Variants in INKA2 observed in about 807,000 individuals in gnomAD.
INKA2 encodes inka box actin regulator 2.
INKA2 carries 3 observed loss-of-function variants against 9.8 expected under a neutral mutation model. The ratio of observed to expected loss-of-function variants is 0.31; its 90% CI spans 0.14 to 0.79. The LOEUF (loss-of-function observed/expected upper bound fraction) is 0.79, where lower values mean the gene tolerates loss of function less well. INKA2 is among the 30% of genes least tolerant of loss of function. The probability of loss-of-function intolerance (pLI) is 0.62; values close to 1 mark genes in which losing one functional copy is unlikely to be tolerated. For synonymous variants in INKA2, 147 were observed against 143.3 expected (o/e 1.03, Z -0.18); for missense variants, 392 against 384.4 (o/e 1.02, Z -0.17).
At chr1:111,737,063 G>C (rs927401365) in intron 1 of INKA2, among the ~76,000 whole-genome samples, 1 of 152,096 alleles carries the variant, frequency 6.6e-6, no homozygotes, top group South Asian at 2.1e-4. Flanking sequence ...AGCACCATGG[G>C]GGGTAGTGCA....
In INKA2 at chr1:111,724,377, G is replaced by T. The variant is rs192359265; in HGVS notation, c.*2591C>A. ...ATCCGAACCACTGTGACCAGTCCACGAAACACGTGAGTTATAGGTGAATGT... is the reference window on the plus strand; with the variant it reads ...ATCCGAACCACTGTGACCAGTCCACTAAACACGTGAGTTATAGGTGAATGT... On this transcript the variant is annotated 3_prime_UTR_variant, in exon 2 of 2. Transcript: ENST00000357260. The T allele has an allele frequency of 6.6e-6, 1 of 152,160 alleles. No homozygotes were observed. Among genetic ancestry groups the T allele is most frequent in the Non-Finnish European group, 1.5e-5 (1 of 68,040 alleles). The allele number at this position is 152,160 out of a possible 1,614,324, so 9.4% of individuals were successfully genotyped here. A position where few individuals can be genotyped will look rare whatever the true frequency, so the allele number is the denominator to read the frequency against.
chr1:111,753,258 C>G (rs1249881549), intron 1 of INKA2: 1 of 152,118 alleles, frequency 6.6e-6, no homozygotes, highest in Non-Finnish European at 1.5e-5. Flanking sequence ...GGCTGCTCTG[C>G]CAGAGAAGAG....
At chr1:111,730,769 C>A (rs1234367509) in intron 1 of INKA2, among the ~76,000 whole-genome samples, 1 of 151,378 alleles carries the variant, frequency 6.6e-6, no homozygotes, top group Non-Finnish European at 1.5e-5. Flanking sequence ...TGAGTATCTA[C>A]TCCTTGAGGA....
intron 1 of INKA2, among the ~76,000 whole-genome samples, chr1:111,728,983 A>G (rs899420894): frequency 2.5e-4 from 38 of 149,386 alleles, no homozygotes; most frequent in African/African-American, 9.4e-4. Flanking sequence ...ACACAATCAT[A>G]GTGGACGGCA....
At position 111,727,489 on chromosome 1, in the gene INKA2, G is replaced by A; in HGVS notation, c.373C>T (p.His125Tyr). 1 of 1,614,226 alleles carries A rather than the reference G, an allele frequency of 6.2e-7. No homozygotes were observed. The highest frequency in any genetic ancestry group is 8.5e-7 in the Non-Finnish European group (1 of 1,180,044). The change falls in exon 2 of 2, where the codon CAT becomes TAT. Residue 125 changes from histidine (H) to tyrosine (Y), a missense_variant. His to Tyr is a moderately conservative substitution (Grantham distance 83). Transcript: ENST00000357260. ...GGCCCCTGCTGAGCACAGCTTTGATGTGGCTGTGTCCTGGGCAAGGGGGCT... is the reference window on the plus strand; with the variant it reads ...GGCCCCTGCTGAGCACAGCTTTGATATGGCTGTGTCCTGGGCAAGGGGGCT... ...DLAPLPRTQP[H>Y]QSCAQQGPER...
chr1:111,752,963 G>C (rs1438075203), intron 1 of INKA2: 2 of 152,286 alleles, frequency 1.3e-5, no homozygotes, highest in East Asian at 1.9e-4. Context: ...CTCCCAAAGT[G>C]CTGGGATCAC....
chr1:111,732,325 G>T (rs1393978807), intron 1 of INKA2, among the ~76,000 whole-genome samples: 1 of 152,202 alleles, frequency 6.6e-6, no homozygotes, highest in Admixed American at 6.5e-5. Context: ...GTAGAGGAAA[G>T]GAGAGGGGCC....
In INKA2 at chr1:111,725,424, G is replaced by GT. The variant is rs1557907111; in HGVS notation, c.*1543_*1544insA. 1 of 152,202 alleles carries GT rather than the reference G, an allele frequency of 6.6e-6. No homozygotes were observed. The highest frequency in any genetic ancestry group is 6.5e-5 in the Admixed American group (1 of 15,278). 9.4% of individuals were successfully genotyped at this position (152,202 alleles called of 1,614,324 possible). A position where few individuals can be genotyped will look rare whatever the true frequency, so the allele number is the denominator to read the frequency against. ...GCTTCCCAGGGCAGTCCTGGGGGGG[G>GT]GCCTGGATCACTAGGTGGCCCTCCT... On this transcript the variant is annotated 3_prime_UTR_variant, in exon 2 of 2. Transcript: ENST00000357260.
intron 1 of INKA2, among the ~76,000 whole-genome samples, chr1:111,749,161 AG>A (rs1361200957): frequency 6.6e-6 from 1 of 152,160 alleles, no homozygotes; most frequent in Non-Finnish European, 1.5e-5. Flanking sequence ...ACTGGGGTGG[AG>A]GGTGGGTAGA....
Position 111,723,536 on chromosome 1 carries a change from G to C in INKA2, c.*3432C>G. On this transcript the variant is annotated 3_prime_UTR_variant, in exon 2 of 2. Coordinates refer to ENST00000357260, the MANE Select transcript of INKA2 (RefSeq NM_019099.5). ...TCAGGTGGCCCTTGTACCTGCCAGG[G>C]AAGTGGGGCAGGGTGGGGTGGGGCT... 1.2e-5 allele frequency: 2 copies of C among 161,528 alleles called. No homozygotes were observed. The highest frequency in any genetic ancestry group is 1.3e-5 in the Non-Finnish European group (1 of 74,534). 10.0% of individuals were successfully genotyped at this position (161,528 alleles called of 1,614,324 possible).
At position 111,755,580 on chromosome 1, in the gene INKA2, G is replaced by T. The variant is rs1174841026; in HGVS notation, n.124+121C>A. 1.0e-5 allele frequency: 12 copies of T among 1,161,780 alleles called. No individual in the cohort carries two copies. The East Asian group carries it at 1.1e-4, about 10-fold the overall frequency. 72.0% of individuals were successfully genotyped at this position (1,161,780 alleles called of 1,614,324 possible). ...CACCGGGCGCATCACAAAGAACGGC[G>T]AGAGGGCGGTGGCGCCGGGGGCACG... On this transcript the variant is annotated intron_variant and non_coding_transcript_variant, in intron 1 of 1. Transcript: ENST00000444059.
Position 111,726,898 on chromosome 1 carries a change from C to G in INKA2, c.*70G>C, listed in dbSNP as rs997722562. 5 of 1,464,710 alleles carry G rather than the reference C, an allele frequency of 3.4e-6. No individual in the cohort carries two copies. The African/African-American group carries it at 5.6e-5, about 17-fold the overall frequency. The allele number at this position is 1,464,710 out of a possible 1,614,324, so 90.7% of individuals were successfully genotyped here. A position where few individuals can be genotyped will look rare whatever the true frequency, so the allele number is the denominator to read the frequency against. ...TTTCGAGAGCCATACCGCCCACCCT[C>G]CCTCCTCCCCAGGGGCCCAGCACTG... On this transcript the variant is annotated 3_prime_UTR_variant, in exon 2 of 2. Transcript: ENST00000357260.
Position 111,727,579 on chromosome 1 carries a change from T to C in INKA2, c.283A>G (p.Ser95Gly). The change falls in exon 2 of 2, where the codon AGT becomes GGT. Residue 95 changes from serine to glycine, a missense_variant. Transcript: ENST00000357260. Reference protein sequence around the residue: ...PARPTVCSPSSQPSLGSSTKF... With the variant: ...PARPTVCSPSGQPSLGSSTKF... The stretch of plus-strand genomic sequence containing the variant: ...GTGCTGCTGCCAAGAGAAGGTTGAC[T>C]GGAGGGGGAACAGACTGTGGGCCTG... 6.2e-7 allele frequency: 1 copy of C among 1,612,406 alleles called. No individual in the cohort carries two copies. The highest frequency in any genetic ancestry group is 1.7e-4 in the Middle Eastern group (1 of 6,048).
intron 1 of INKA2, among the ~76,000 whole-genome samples, chr1:111,732,500 C>T (rs1662929570): frequency 6.6e-6 from 1 of 151,702 alleles, no homozygotes; most frequent in Non-Finnish European, 1.5e-5. Flanking sequence ...ACAAGAAGGT[C>T]GACCTGGTCC....
chr1:111,727,845 T>G (rs548898856), intron 1 of INKA2, 41 bp from the exon 2 acceptor site: 1 of 1,580,228 alleles, frequency 6.3e-7, no homozygotes, highest in Admixed American at 1.7e-5. Context: ...TGAGCCACAG[T>G]GGGCAGCAGT....
chr1:111,739,452 A>G, upstream of INKA2: 1 of 1,426,906 alleles, frequency 7.0e-7, no homozygotes, highest in Non-Finnish European at 9.2e-7. Flanking sequence ...GAAAAGTGGG[A>G]CAGCCAATGA....
chr1:111,749,813 T>C (rs1663359098), intron 1 of INKA2, among the ~76,000 whole-genome samples: 1 of 152,148 alleles, frequency 6.6e-6, no homozygotes, highest in Non-Finnish European at 1.5e-5. Context: ...GAGCTGAATA[T>C]GATTAGCAGA....
chr1:111,741,900 G>T (rs1228974668), upstream of INKA2, among the ~76,000 whole-genome samples: 1 of 152,098 alleles, frequency 6.6e-6, no homozygotes, highest in Non-Finnish European at 1.5e-5. Flanking sequence ...ATTTTTAGTA[G>T]AGACGGGGTT....
chr1:111,739,101 C>T (rs1215754501), intron 1 of INKA2, 85 bp downstream of exon 1: 2 of 1,371,598 alleles, frequency 1.5e-6, no homozygotes, highest in Admixed American at 1.8e-5. Flanking sequence ...TGCTTACGTC[C>T]CGGCTCCCCG....
Sources: gnomAD v4.1 joint callset for allele counts (sites outside exome capture counted in the v4.1 genomes callset) on GRCh38, gnomAD v4.1.1 for gene constraint, MANE v1.5 for transcripts, NCBI Gene and HGNC (gene_info 2026-07-23, HGNC 2026-07-21) for gene names.